Variants in IL4I1 observed in about 807,000 individuals in gnomAD.
IL4I1 encodes the protein interleukin 4 induced 1.
In IL4I1, 24 loss-of-function variants were observed where a neutral mutation model predicts 29.7. The observed-to-expected ratio is 0.81, with a 90% CI of 0.59 to 1.14. The LOEUF (loss-of-function observed/expected upper bound fraction) is 1.14. Among genes scored for constraint, IL4I1 ranks in the 50% most tolerant of loss-of-function variants. The pLI, the probability that IL4I1 is intolerant of heterozygous loss-of-function variation, is 0.00. For synonymous variants in IL4I1, 371 were observed against 352.5 expected (o/e 1.05, Z -0.59); for missense variants, 686 against 785.6 (o/e 0.87, Z 1.52).
chr19:49,895,263 C>T, intron 3 of IL4I1, 83 bp from the exon 4 acceptor site: 2 of 1,124,426 alleles, frequency 1.8e-6, no homozygotes, highest in East Asian at 4.9e-5. Context: ...GTGCCAGCCC[C>T]CTGCCTTCTT....
rs183360746 is a variant in IL4I1, at chr19:49,920,116, C to T, written c.-228+7578G>A. ...TTTTTTTTTTTGAGACGGAGTCTCA[C>T]TCTGTCATCAGGCTGGAGTGCAGTG... On this transcript the variant is annotated intron_variant, in intron 2 of 9. Coordinates refer to the IL4I1 transcript ENST00000341114. Among the ~76,000 whole-genome samples, 360 of 151,696 alleles carry T rather than the reference C, an allele frequency of 2.4e-3. 1 individual carries two copies. Among genetic ancestry groups the T allele is most frequent in the Admixed American group, 4.4e-3 (67 of 15,220 alleles).
intron 2 of IL4I1, chr19:49,909,367 G>A: frequency 6.2e-7 from 1 of 1,613,720 alleles, no homozygotes; most frequent in South Asian, 1.1e-5. Flanking sequence ...GAGCCACAGA[G>A]GTGGTGGAGG....
Position 49,890,159 on chromosome 19 carries a change from T to G in IL4I1, c.1215A>C (p.Ala405=). The part of the protein sequence containing the change: ...LASYTWSDAA[A]AFAGLSREEA... ...CTTCCCGGCTCAAGCCGGCGAACGCTGCCGCCGCGTCCGACCACGTGTACG... is the reference window on the plus strand; with the variant it reads ...CTTCCCGGCTCAAGCCGGCGAACGCGGCCGCCGCGTCCGACCACGTGTACG... Residue 405 remains alanine (A), a synonymous_variant, in exon 8 of 8, where the codon GCA becomes GCC. Transcript: ENST00000391826. The G allele has an allele frequency of 3.9e-6, 6 of 1,541,866 alleles. No individual in the cohort carries two copies. Among genetic ancestry groups the G allele is most frequent in the Non-Finnish European group, 5.2e-6 (6 of 1,143,102 alleles).
intron 5 of IL4I1, among the ~76,000 whole-genome samples, chr19:49,892,188 T>G (rs1172839614): frequency 6.6e-6 from 1 of 151,524 alleles, no homozygotes; most frequent in Non-Finnish European, 1.5e-5. Flanking sequence ...TTCAAGTGAT[T>G]CTCCCACCTC....
chr19:49,914,210 A>G (rs2075559829), intron 2 of IL4I1, among the ~76,000 whole-genome samples: 1 of 152,236 alleles, frequency 6.6e-6, no homozygotes, highest in South Asian at 2.1e-4. Flanking sequence ...TCACAAATGC[A>G]AACTATTACG....
At chr19:49,895,005 G>T in intron 4 of IL4I1, 63 bp downstream of exon 4, 2 of 1,280,190 alleles carry the variant, frequency 1.6e-6, no homozygotes, top group Non-Finnish European at 2.3e-6. Context: ...CCACTCTGGT[G>T]TGGGCATGGA....
Position 49,904,589 on chromosome 19 carries a change from C to T in IL4I1, c.-227-268G>A, listed in dbSNP as rs564034178. On this transcript the variant is annotated intron_variant, in intron 2 of 9. Transcript: ENST00000341114. ...TTTGAGATGAAGTCTAACTTTGTTG[C>T]CCAGGCTGGAGTGCAGTGGCGCGAT... is the stretch of plus-strand genomic sequence containing the variant. Among the ~76,000 whole-genome samples the T allele has an allele frequency of 2.0e-5, 3 of 152,230 alleles. No individual in the cohort carries two copies. In the East Asian group the frequency reaches 5.8e-4, roughly 29 times the overall value.
intron 1 of IL4I1, 121 bp from the exon 2 acceptor site, chr19:49,896,303 C>T (rs1335912584): frequency 1.8e-5 from 22 of 1,220,890 alleles, no homozygotes; most frequent in Non-Finnish European, 2.0e-5. Context: ...CTGTCCTGCT[C>T]TCTGGACCTG....
At chr19:49,907,510 A>C (rs2075347905) in intron 2 of IL4I1, 1 of 439,278 alleles carries the variant, frequency 2.3e-6, no homozygotes, top group Admixed American at 2.6e-5. Flanking sequence ...CACACTCGAA[A>C]ACTAGGCTGC....
chr19:49,892,499 G>A (rs2075152473), intron 5 of IL4I1, among the ~76,000 whole-genome samples: 1 of 152,158 alleles, frequency 6.6e-6, no homozygotes, highest in Non-Finnish European at 1.5e-5. Flanking sequence ...CTCTGGTTCT[G>A]TGAACAGTGT....
At chr19:49,905,344 C>T (rs908631563) in intron 2 of IL4I1, among the ~76,000 whole-genome samples, 12 of 152,156 alleles carry the variant, frequency 7.9e-5, no homozygotes, top group Non-Finnish European at 1.3e-4. Context: ...GGATGCTGAA[C>T]GCACAAATGT....
Position 49,904,521 on chromosome 19 carries a change from C to T in IL4I1, c.-227-200G>A, listed in dbSNP as rs141477533. Among the ~76,000 whole-genome samples the T allele has an allele frequency of 6.0e-3, 916 of 152,168 alleles. 8 individuals carry two copies. Among genetic ancestry groups the T allele is most frequent in the African/African-American group, 0.021 (873 of 41,498 alleles). ...TTATTCAGAGTGGGGTGCTCAAGATCCTTTGGGGTATGGGAAGAAAATGCA... is the reference window on the plus strand; with the variant it reads ...TTATTCAGAGTGGGGTGCTCAAGATTCTTTGGGGTATGGGAAGAAAATGCA... On this transcript the variant is annotated intron_variant, in intron 2 of 9. Coordinates refer to the IL4I1 transcript ENST00000341114.
rs2075209780 is a variant in IL4I1, at chr19:49,896,293, C to T, written c.-22-111G>A. 6 of 1,295,566 alleles carry T rather than the reference C, an allele frequency of 4.6e-6. No homozygotes were observed. In the East Asian group the frequency reaches 1.0e-4, roughly 22 times the overall value. 80.3% of individuals were successfully genotyped at this position (1,295,566 alleles called of 1,614,324 possible). ...GCTAGAGCCGGCCCTCCCCCAGTCACTGTCCTGCTCTCTGGACCTGTGTCC... is the reference window on the plus strand; with the variant it reads ...GCTAGAGCCGGCCCTCCCCCAGTCATTGTCCTGCTCTCTGGACCTGTGTCC... On this transcript the variant is annotated intron_variant, in intron 1 of 7. Transcript: ENST00000391826.
In IL4I1 at chr19:49,895,970, AG is replaced by A. The variant is rs1355893707; in HGVS notation, c.96del (p.Phe33SerfsTer17). ...TCAGGATCCTGCATGCATTTCTCGA[AG>A]GGGTCTTGGCTGCGTTCAGCCTTCC... Reference protein sequence around the residue: ...QDWKAERSQDPFEKCMQDPDY... With the variant: ...QDWKAERSQDXFEKCMQDPDY... On this transcript the variant is annotated frameshift_variant, in exon 3 of 8. Coordinates refer to ENST00000391826, the MANE Select transcript of IL4I1 (RefSeq NM_152899.2). LOFTEE classifies it high-confidence loss of function. 6.2e-7 allele frequency: 1 copy of A among 1,613,994 alleles called. No homozygotes were observed. The highest frequency in any genetic ancestry group is 8.5e-7 in the Non-Finnish European group (1 of 1,180,034).
At chr19:49,896,588 C>T (rs1291565891) in intron 1 of IL4I1, among the ~76,000 whole-genome samples, 1 of 152,146 alleles carries the variant, frequency 6.6e-6, no homozygotes, top group African/African-American at 2.4e-5. Context: ...CACCCATAAC[C>T]AAACCTGGCT....
At chr19:49,923,341 G>A (rs1368827512) in intron 2 of IL4I1, among the ~76,000 whole-genome samples, 1 of 152,152 alleles carries the variant, frequency 6.6e-6, no homozygotes, top group Non-Finnish European at 1.5e-5. Context: ...ACATTCGCTG[G>A]CCTCTGTGCT....
In IL4I1 at chr19:49,894,928, T is replaced by A. The variant is rs1015644231; in HGVS notation, c.365+140A>T. 3 of 662,630 alleles carry A rather than the reference T, an allele frequency of 4.5e-6. No individual in the cohort carries two copies. In the African/African-American group the frequency reaches 5.4e-5, roughly 12 times the overall value. The allele number at this position is 662,630 out of a possible 1,614,324, so 41.0% of individuals were successfully genotyped here. Reference sequence around the variant, plus strand: ...CCAGGGCTGGCGCTGGAGGCAAGACTGAGGTGAGGATTAGGCGAAGGATGG... The same window carrying A: ...CCAGGGCTGGCGCTGGAGGCAAGACAGAGGTGAGGATTAGGCGAAGGATGG... On this transcript the variant is annotated intron_variant, in intron 4 of 7. Coordinates refer to ENST00000391826, the MANE Select transcript of IL4I1 (RefSeq NM_152899.2).
chr19:49,890,928 T>TTGGGGG, intron 7 of IL4I1, 43 bp downstream of exon 7: 1 of 633,210 alleles, frequency 1.6e-6, no homozygotes, highest in Non-Finnish European at 2.4e-6. Context: ...TTTCCCTGAT[T>TTGGGGG]GCCCCCCGCC....
chr19:49,901,497 T>C (rs1012335653), upstream of IL4I1: 19 of 491,522 alleles, frequency 3.9e-5, no homozygotes, highest in Admixed American at 8.4e-5. Context: ...CAGGCCCAGA[T>C]TGGGGAAGGG....
Sources: gnomAD v4.1 joint callset for allele counts (sites outside exome capture counted in the v4.1 genomes callset) on GRCh38, gnomAD v4.1.1 for gene constraint, MANE v1.5 for transcripts, NCBI Gene and HGNC (gene_info 2026-07-23, HGNC 2026-07-21) for gene names.